NR3C1: variants seen among roughly 807,000 people sequenced by gnomAD.
NR3C1 encodes the protein nuclear receptor subfamily 3 group C member 1, also known as glucocorticoid receptor.
Under a neutral mutation model 74.0 loss-of-function variants are expected in NR3C1, and 14 were observed. The ratio of observed to expected loss-of-function variants is 0.19; its 90% confidence interval spans 0.12 to 0.30. NR3C1 has a LOEUF of 0.30. Ranked by LOEUF, NR3C1 falls within the 10% of genes least tolerant of loss-of-function variation. NR3C1 has a pLI of 1.00. For missense variants in NR3C1, 695 were observed against 909.8 expected (o/e 0.76, Z 3.04); for synonymous variants, 308 against 332.5 (o/e 0.93, Z 0.80).
chr5:143,400,664 C>G lies in NR3C1; in HGVS notation c.176G>C (p.Arg59Pro), dbSNP rs1008340994. 4 of 1,613,880 alleles carry G rather than the reference C, an allele frequency of 2.5e-6. No individual in the cohort carries two copies. The highest frequency in any genetic ancestry group is 3.3e-4 in the Middle Eastern group (2 of 6,084). ...AVASQSDSKQ[R>P]RLLVDFPKGS... The stretch of plus-strand genomic sequence containing the variant: ...TTTTGGAAAATCAACCAAAAGTCTT[C>G]GCTGCTTGGAGTCTGATTGAGAAGC... Residue 59 changes from arginine to proline, a missense_variant, in exon 2 of 9, where the codon CGA becomes CCA. Transcript: ENST00000394464.
intron 2 of NR3C1, among the ~76,000 whole-genome samples, chr5:143,361,343 C>A (rs906454051): frequency 1.3e-5 from 2 of 151,952 alleles, no homozygotes; most frequent in South Asian, 2.1e-4. Flanking sequence ...AAGCTTTAAC[C>A]AACATTCTTA....
intron 1 of NR3C1, chr5:143,402,869 G>A (rs925037256): frequency 1.2e-5 from 12 of 972,958 alleles, no homozygotes; most frequent in South Asian, 9.5e-5. Flanking sequence ...CCCTTGGAGG[G>A]AAAGGGGACA....
intron 2 of NR3C1, among the ~76,000 whole-genome samples, chr5:143,350,815 C>T (rs1600184915): frequency 6.6e-6 from 1 of 152,290 alleles, no homozygotes; most frequent in East Asian, 1.9e-4. Context: ...AAACTAGAAA[C>T]AGAATTGTGT....
At chr5:143,434,957 A>C in exon 1 of NR3C1, 1 of 984,436 alleles carries the variant, frequency 1.0e-6, no homozygotes, top group Non-Finnish European at 1.2e-6. Flanking sequence ...CTCGGGTATA[A>C]CTTTTTTTTT....
intron 7 of NR3C1, among the ~76,000 whole-genome samples, chr5:143,289,937 C>A (rs1157429869): frequency 6.6e-6 from 1 of 152,094 alleles, no homozygotes; most frequent in African/African-American, 2.4e-5. Flanking sequence ...AACCTATGTC[C>A]CAGTGATCTC....
At chr5:143,368,418 A>G (rs1454591150) in intron 2 of NR3C1, among the ~76,000 whole-genome samples, 1 of 152,150 alleles carries the variant, frequency 6.6e-6, no homozygotes, top group African/African-American at 2.4e-5. Flanking sequence ...AAATGACACT[A>G]TCAAGAAGTG....
intron 1 of NR3C1, among the ~76,000 whole-genome samples, chr5:143,416,463 A>G (rs1020495969): frequency 6.6e-6 from 1 of 152,116 alleles, no homozygotes; most frequent in Non-Finnish European, 1.5e-5. Flanking sequence ...GGTTTGCAAA[A>G]AAAAAAAGCA....
intron 2 of NR3C1, among the ~76,000 whole-genome samples, chr5:143,395,018 A>G (rs1191734845): frequency 1.3e-5 from 2 of 151,992 alleles, no homozygotes; most frequent in Non-Finnish European, 2.9e-5. Context: ...ACCTGTCACA[A>G]TTAGGTGTCT....
At chr5:143,424,011 A>G (rs1312627335) in intron 1 of NR3C1, among the ~76,000 whole-genome samples, 2 of 132,770 alleles carry the variant, frequency 1.5e-5, no homozygotes, top group Non-Finnish European at 3.1e-5. Context: ...GAATTGAACA[A>G]TGAGAACACA....
At position 143,331,410 on chromosome 5, in the gene NR3C1, G is replaced by A. The variant is rs372943259; in HGVS notation, c.1185-17242C>T. Among the ~76,000 whole-genome samples, 24 of 152,152 alleles carry A rather than the reference G, an allele frequency of 1.6e-4. No homozygotes were observed. In the South Asian group the frequency reaches 3.9e-3, roughly 25 times the overall value. On this transcript the variant is annotated intron_variant, in intron 2 of 8. Coordinates refer to ENST00000394464, the MANE Select transcript of NR3C1 (RefSeq NM_000176.3). Reference sequence around the variant, plus strand: ...AGAACTTAAAACAGAACTACCATTCGACCCAGCAATCCCATCACTGGGTAT... The same window carrying A: ...AGAACTTAAAACAGAACTACCATTCAACCCAGCAATCCCATCACTGGGTAT...
At chr5:143,402,433 G>T (rs1840466015) in intron 1 of NR3C1, among the ~76,000 whole-genome samples, 1 of 152,208 alleles carries the variant, frequency 6.6e-6, no homozygotes, top group Admixed American at 6.5e-5. Context: ...ACTAGCACTT[G>T]TAAAAATCGC....
In NR3C1 at chr5:143,400,463, A is replaced by T; in HGVS notation, c.377T>A (p.Ile126Asn). 6.2e-7 allele frequency: 1 copy of T among 1,614,178 alleles called. No individual in the cohort carries two copies. The highest frequency in any genetic ancestry group is 8.5e-7 in the Non-Finnish European group (1 of 1,180,028). The change falls in exon 2 of 9, where the codon ATT becomes AAT. Residue 126 changes from isoleucine (I) to asparagine (N), a missense_variant. Ile to Asn is a moderately radical substitution (Grantham distance 149, BLOSUM62 -3). This residue lies in a region of NR3C1 where 497 missense variants were observed against 489.5 expected (regional missense o/e 1.02). Coordinates refer to ENST00000394464, the MANE Select transcript of NR3C1 (RefSeq NM_000176.3). ...ACTGGTCGACCTATTGAGGTTTGCA[A>T]TGCTTTCTTCCAAAAGCTTTAAGTC... ...ETDLKLLEES[I>N]ANLNRSTSVP...
chr5:143,357,024 T>C (rs1454937058), intron 2 of NR3C1, among the ~76,000 whole-genome samples: 1 of 152,234 alleles, frequency 6.6e-6, no homozygotes, highest in Non-Finnish European at 1.5e-5. Flanking sequence ...TTGGAAATTG[T>C]ATAGTTTATA....
At position 143,400,430 on chromosome 5, in the gene NR3C1, T is replaced by C; in HGVS notation, c.410A>G (p.Glu137Gly). The change falls in exon 2 of 9, where the codon GAG becomes GGG. Residue 137 changes from glutamate to glycine, a missense_variant. Physicochemically the swap from Glu to Gly is moderately conservative, Grantham distance 98. This residue lies in a region of NR3C1 where 497 missense variants were observed against 489.5 expected (regional missense o/e 1.02). Coordinates refer to ENST00000394464, the MANE Select transcript of NR3C1 (RefSeq NM_000176.3). ...AGTGGATGCTGAACTCTTGGGGTTCTCTGGAACACTGGTCGACCTATTGAG... is the reference window on the plus strand; with the variant it reads ...AGTGGATGCTGAACTCTTGGGGTTCCCTGGAACACTGGTCGACCTATTGAG... The part of the protein sequence containing the change: ...ANLNRSTSVP[E>G]NPKSSASTAV... 6.2e-7 allele frequency: 1 copy of C among 1,614,230 alleles called. No homozygotes were observed. The highest frequency in any genetic ancestry group is 8.5e-7 in the Non-Finnish European group (1 of 1,180,040).
At chr5:143,323,028 A>G (rs551533665) in intron 2 of NR3C1, among the ~76,000 whole-genome samples, 24 of 152,348 alleles carry the variant, frequency 1.6e-4, no homozygotes, top group African/African-American at 5.0e-4. Context: ...AGGTACCTGC[A>G]GTCAACCACA....
chr5:143,400,922 G>A, intron 1 of NR3C1, 70 bp from the exon 2 acceptor site: 6 of 1,169,638 alleles, frequency 5.1e-6, no homozygotes, highest in South Asian at 1.3e-5. Flanking sequence ...TTCCTGATCC[G>A]ATTAGTAAGA....
At chr5:143,429,235 A>C (rs1751689447) in intron 1 of NR3C1, among the ~76,000 whole-genome samples, 1 of 152,240 alleles carries the variant, frequency 6.6e-6, no homozygotes, top group Non-Finnish European at 1.5e-5. Context: ...AGAGAAGTTA[A>C]GTAACTTGCC....
intron 2 of NR3C1, among the ~76,000 whole-genome samples, chr5:143,393,086 C>T (rs1364502232): frequency 5.9e-5 from 9 of 152,176 alleles, no homozygotes; most frequent in Admixed American, 2.6e-4. Flanking sequence ...ATAACTGTAA[C>T]GAACATAGAA....
At chr5:143,367,922 C>T (rs374160878) in intron 2 of NR3C1, among the ~76,000 whole-genome samples, 8 of 151,958 alleles carry the variant, frequency 5.3e-5, no homozygotes, top group South Asian at 2.1e-4. Context: ...GAGTTTGCAA[C>T]GAACACGGAA....
Sources: allele counts gnomAD v4.1 joint callset (sites outside exome capture counted in the v4.1 genomes callset), GRCh38; gene constraint gnomAD v4.1.1; regional missense constraint gnomAD v4.1.1; transcripts MANE v1.5; gene names NCBI Gene and HGNC (gene_info 2026-07-23, HGNC 2026-07-21).